Variants in CP observed in about 807,000 individuals in gnomAD.
CP encodes ceruloplasmin.
CP carries 64 observed loss-of-function variants against 122.4 expected under a neutral mutation model. That is an observed-to-expected ratio of 0.52 (90% CI 0.43 to 0.64). CP has a LOEUF of 0.64. Among genes scored for constraint, CP ranks in the 30% least tolerant of loss-of-function variants. The pLI, the probability that CP is intolerant of heterozygous loss-of-function variation, is 0.00. For synonymous variants in CP, 440 were observed against 436.4 expected, an observed-to-expected ratio of 1.01 and a Z score of -0.10; for missense variants, 1,167 against 1,284.4, an observed-to-expected ratio of 0.91 and a Z score of 1.40.
chr3:149,186,567 A>C lies in CP; in HGVS notation c.2030T>G (p.Leu677Arg). 1 of 1,614,184 alleles carries C rather than the reference A, an allele frequency of 6.2e-7. No individual in the cohort carries two copies. The highest frequency in any genetic ancestry group is 8.5e-7 in the Non-Finnish European group (1 of 1,180,032). ...WRGERRDTAN[L>R]FPQTSLTLHM... Reference sequence around the variant, plus strand: ...GAGCGTAAGACTTGTTTGAGGGAAGAGGTTTGCTGTGTCTCTCCGTTCTCC... The same window carrying C: ...GAGCGTAAGACTTGTTTGAGGGAAGCGGTTTGCTGTGTCTCTCCGTTCTCC... The change falls in exon 11 of 19, where the codon CTC becomes CGC. Residue 677 changes from leucine to arginine, a missense_variant. Leu to Arg is a moderately radical substitution (Grantham distance 102). Transcript: ENST00000264613.
chr3:149,190,946 C>T (rs1203595953), intron 9 of CP, among the ~76,000 whole-genome samples: 2 of 152,092 alleles, frequency 1.3e-5, no homozygotes, highest in Non-Finnish European at 2.9e-5. Flanking sequence ...AAGAAAAATT[C>T]ACCATACTTA....
At chr3:149,170,277 A>G (rs1377297264), downstream of CP, among the ~76,000 whole-genome samples, 1 of 151,858 alleles carries the variant, frequency 6.6e-6, no homozygotes, top group African/African-American at 2.4e-5. Flanking sequence ...CTCTATAACA[A>G]CTCCACACTA....
At chr3:149,180,063 G>A (rs372392306) in intron 14 of CP, 50 of 264,362 alleles carry the variant, frequency 1.9e-4, no homozygotes, top group African/African-American at 7.0e-4. Flanking sequence ...CACCTTTCCC[G>A]TAATCTCTGC....
chr3:149,162,919 T>G, intron 5 of CP: 102 of 1,343,336 alleles, frequency 7.6e-5, no homozygotes, highest in Non-Finnish European at 1.0e-4. Flanking sequence ...ACTCATGCAT[T>G]GCCCATTACA....
At chr3:149,164,063 CA>C in intron 5 of CP, 1 of 637,432 alleles carries the variant, frequency 1.6e-6, no homozygotes, top group South Asian at 1.8e-5. Context: ...TTTTGAGGGA[CA>C]AAATCCATAG....
At chr3:149,183,130 G>A (rs550915145) in intron 13 of CP, among the ~76,000 whole-genome samples, 120 of 152,212 alleles carry the variant, frequency 7.9e-4, no homozygotes, top group African/African-American at 2.8e-3. Context: ...CATCCTGGGC[G>A]ACAGAGTGAG....
rs1311334852 is a variant in CP, at chr3:149,183,532, A to G, written c.2359T>C (p.Tyr787His). ...GGAACACGGAATGTGCTATCAGTATACTGCCGATACACAACTTTCTTGTAC... is the reference window on the plus strand; with the variant it reads ...GGAACACGGAATGTGCTATCAGTATGCTGCCGATACACAACTTTCTTGTAC... ...SKYKKVVYRQYTDSTFRVPVE... is the reference protein window; with the variant it reads ...SKYKKVVYRQHTDSTFRVPVE... The change falls in exon 13 of 19, where the codon TAT becomes CAT. Residue 787 changes from tyrosine (Y) to histidine (H), a missense_variant. Tyr to His is a moderately conservative substitution (Grantham distance 83, BLOSUM62 2). This residue lies in a region of CP where 525 missense variants were observed against 657.2 expected (regional missense o/e 0.80). Transcript: ENST00000264613. 5 of 1,611,412 alleles carry G rather than the reference A, an allele frequency of 3.1e-6. No homozygotes were observed. The highest frequency in any genetic ancestry group is 2.5e-6 in the Non-Finnish European group (3 of 1,179,062).
At chr3:149,179,808 T>G in intron 14 of CP, 146 bp from the exon 15 acceptor site, 1 of 645,082 alleles carries the variant, frequency 1.6e-6, no homozygotes, top group Non-Finnish European at 2.7e-6. Context: ...TTTTAAAAAT[T>G]GTGGTACTCA....
rs1201869383 is a variant in CP, at chr3:149,187,984, T to G, written c.1864+68A>C. 6 of 1,526,780 alleles carry G rather than the reference T, an allele frequency of 3.9e-6. No individual in the cohort carries two copies. The East Asian group carries it at 1.1e-4, about 29-fold the overall frequency. The allele number at this position is 1,526,780 out of a possible 1,614,324, so 94.6% of individuals were successfully genotyped here. ...ATGAGCAAAGCTCTTCACATTTTGT[T>G]TAGTTAAAAGCATTACATATGCAGT... is the stretch of plus-strand genomic sequence containing the variant. On this transcript the variant is annotated intron_variant, in intron 10 of 18. Transcript: ENST00000264613.
In CP at chr3:149,210,706, A is replaced by G. The variant is rs758887465; in HGVS notation, c.395-327T>C. Among the ~76,000 whole-genome samples the G allele has an allele frequency of 4.6e-5, 7 of 152,292 alleles. No homozygotes were observed. In the East Asian group the frequency reaches 1.4e-3, roughly 29 times the overall value. On this transcript the variant is annotated intron_variant, in intron 2 of 18. Transcript: ENST00000264613. ...CTCTTCTAAATTCAAAACTTCTTAT[A>G]TGATCTCAGATTTTTGCCCACGAAG... is the stretch of plus-strand genomic sequence containing the variant.
downstream of CP, chr3:149,167,904 G>GA (rs1576708708): frequency 5.6e-6 from 9 of 1,598,842 alleles, no homozygotes; most frequent in African/African-American, 1.3e-5. Context: ...CTCTGTGGTG[G>GA]AAAAAACTGT....
chr3:149,188,740 G>GA lies in CP; in HGVS notation c.1714-539dup, dbSNP rs71619304. Among the ~76,000 whole-genome samples, 8 of 151,320 alleles carry GA rather than the reference G, an allele frequency of 5.3e-5. No homozygotes were observed. In the East Asian group the frequency reaches 7.7e-4, roughly 15 times the overall value. On this transcript the variant is annotated intron_variant, in intron 9 of 18. Transcript: ENST00000264613. ...TCACCTCCTCCCACTTCTCCCAGTG[G>GA]AAAAAACAAAAAAAAAGGAGCAGAA... is the stretch of plus-strand genomic sequence containing the variant.
intron 12 of CP, 86 bp downstream of exon 12, chr3:149,185,153 T>C: frequency 7.6e-7 from 1 of 1,307,438 alleles, no homozygotes. Flanking sequence ...TTTTTTTTTT[T>C]TCTAAAATTT....
In CP at chr3:149,178,578, C is replaced by G. The variant is rs1281036433; in HGVS notation, c.2715G>C (p.Leu905Phe). The G allele has an allele frequency of 3.7e-6, 6 of 1,613,522 alleles. No homozygotes were observed. Among genetic ancestry groups the G allele is most frequent in the Non-Finnish European group, 5.1e-6 (6 of 1,179,734 alleles). Residue 905 changes from leucine (L) to phenylalanine (F), a missense_variant, in exon 16 of 19, where the codon TTG becomes TTC. By Grantham distance (22) the Leu-to-Phe change is conservative (BLOSUM62 0). Transcript: ENST00000264613. ...GPLIVCRRPY[L>F]KVFNPRRKLE... ...GTTTCCTTCTGGGATTGAATACTTT[C>G]AAGTAAGGTCTTCGACAAACAATCA...
At chr3:149,164,069 C>T in intron 5 of CP, 1 of 626,316 alleles carries the variant, frequency 1.6e-6, no homozygotes, top group South Asian at 1.8e-5. Context: ...GGGACAAAAT[C>T]CATAGTTAGG....
chr3:149,198,336 G>T, intron 9 of CP, 31 bp downstream of exon 9: 1 of 1,547,192 alleles, frequency 6.5e-7, no homozygotes, highest in Non-Finnish European at 8.9e-7. Flanking sequence ...CAAAGAGATT[G>T]AACAATTTTT....
rs747328618 is a variant in CP, at chr3:149,182,104, T to G, written c.2455A>C (p.Lys819Gln). ...GPQLHADVGD[K>Q]VKIIFKNMAT... ...ATGTTTTTAAAGATAATTTTGACTT[T>G]GTCTCCAACATCTGCATGAAGTTGT... Residue 819 changes from lysine to glutamine, a missense_variant, in exon 14 of 19, where the codon AAA becomes CAA. Lys to Gln is a moderately conservative substitution (Grantham distance 53). Coordinates refer to ENST00000264613, the MANE Select transcript of CP (RefSeq NM_000096.4). The G allele has an allele frequency of 2.5e-6, 4 of 1,613,842 alleles. No individual in the cohort carries two copies. The highest frequency in any genetic ancestry group is 3.4e-6 in the Non-Finnish European group (4 of 1,179,812).
At chr3:149,216,215 T>A (rs1163735664) in intron 1 of CP, among the ~76,000 whole-genome samples, 3 of 152,190 alleles carry the variant, frequency 2.0e-5, no homozygotes, top group Non-Finnish European at 4.4e-5. Context: ...GAGTCTGGCA[T>A]GGTGTGGCTG....
Position 149,173,208 on chromosome 3 carries a change from G to T in CP, c.*506C>A, listed in dbSNP as rs566358750. 1 of 152,766 alleles carries T rather than the reference G, an allele frequency of 6.5e-6. No homozygotes were observed. The highest frequency in any genetic ancestry group is 1.9e-4 in the East Asian group (1 of 5,210). The allele number at this position is 152,766 out of a possible 1,614,324, so 9.5% of individuals were successfully genotyped here. A position where few individuals can be genotyped will look rare whatever the true frequency, so the allele number is the denominator to read the frequency against. On this transcript the variant is annotated 3_prime_UTR_variant, in exon 19 of 19. Transcript: ENST00000264613. ...TAACGTCCTTAAGACCATCTGTTCA[G>T]GGGTTCACAAAACTCAAATTTGTGT...
Sources: gnomAD v4.1 joint callset for allele counts (sites outside exome capture counted in the v4.1 genomes callset) on GRCh38, gnomAD v4.1.1 for gene constraint, gnomAD v4.1.1 regional missense constraint, MANE v1.5 for transcripts, NCBI Gene and HGNC (gene_info 2026-07-23, HGNC 2026-07-21) for gene names.